Variants in RYR2 observed in about 807,000 individuals in gnomAD.
RYR2 encodes ryanodine receptor 2, also known as cardiac muscle ryanodine receptor-calcium release channel.
In RYR2, 227 loss-of-function variants were observed where a neutral mutation model predicts 601.1. The ratio of observed to expected loss-of-function variants is 0.38; its 90% CI spans 0.34 to 0.42. RYR2 has a LOEUF of 0.42. Ranked by LOEUF, RYR2 falls within the 10% of genes least tolerant of loss-of-function variation. The pLI is 1.00. For missense variants in RYR2, 4,646 were observed against 6,156.5 expected, an observed-to-expected ratio of 0.75 and a Z score of 8.21; for synonymous variants, 2,223 against 2,175.1, an observed-to-expected ratio of 1.02 and a Z score of -0.61.
chr1:237,343,332 G>C (rs1340577552), intron 3 of RYR2, among the ~76,000 whole-genome samples: 1 of 152,162 alleles, frequency 6.6e-6, no homozygotes, highest in African/African-American at 2.4e-5. Context: ...AGAAACAGCA[G>C]CTAAACCAGC....
intron 25 of RYR2, among the ~76,000 whole-genome samples, chr1:237,532,981 A>G (rs1482413132): frequency 6.6e-6 from 1 of 152,218 alleles, no homozygotes; most frequent in Non-Finnish European, 1.5e-5. Flanking sequence ...GGTAGATGAT[A>G]GATTGATAGC....
intron 1 of RYR2, among the ~76,000 whole-genome samples, chr1:237,105,825 ACT>A (rs1668600115): frequency 1.5e-5 from 2 of 131,024 alleles, no homozygotes; most frequent in South Asian, 5.1e-4. Context: ...ACAAAGCGAG[ACT>A]CTGTCTCAAA....
At chr1:237,464,912 T>C (rs769487247) in intron 16 of RYR2, among the ~76,000 whole-genome samples, 21 of 152,236 alleles carry the variant, frequency 1.4e-4, no homozygotes, top group Non-Finnish European at 2.6e-4. Flanking sequence ...AGTATTTTGC[T>C]GTTATAAAGA....
At chr1:237,518,912 C>T (rs151277144) in intron 24 of RYR2, among the ~76,000 whole-genome samples, 224 of 152,258 alleles carry the variant, frequency 1.5e-3, no homozygotes, top group African/African-American at 5.1e-3. Context: ...TCTGCATCCT[C>T]GCCAACATCT....
At chr1:237,388,037 C>T in intron 9 of RYR2, 50 bp from the exon 10 acceptor site, 1 of 1,499,148 alleles carries the variant, frequency 6.7e-7, no homozygotes, top group Non-Finnish European at 9.3e-7. Flanking sequence ...GTCTGGCTAT[C>T]AGCACCTGAC....
intron 2 of RYR2, among the ~76,000 whole-genome samples, chr1:237,330,420 C>T (rs145447338): frequency 0.049 from 7,463 of 152,318 alleles, 265 homozygotes; most frequent in Non-Finnish European, 0.078. Context: ...CGGAGTCTCG[C>T]TCTGTCGCCA....
Position 237,107,515 on chromosome 1 carries a change from A to G in RYR2, c.48+64946A>G, listed in dbSNP as rs572881866. ...AGCCTGGGAGACAGAGTGAGACTCC[A>G]TCTCAAAAAAAAAAAAAAAAAGGAA... On this transcript the variant is annotated intron_variant, in intron 1 of 104. Transcript: ENST00000366574. Among the ~76,000 whole-genome samples the G allele has an allele frequency of 5.1e-3, 743 of 146,880 alleles. 9 individuals are homozygous for G. Among genetic ancestry groups the G allele is most frequent in the African/African-American group, 0.011 (422 of 39,798 alleles).
chr1:237,627,472 G>A (rs1338250271), intron 40 of RYR2, among the ~76,000 whole-genome samples: 9 of 152,104 alleles, frequency 5.9e-5, no homozygotes, highest in Non-Finnish European at 1.3e-4. Context: ...ACAAATAAAA[G>A]TAGTAGGACA....
intron 1 of RYR2, among the ~76,000 whole-genome samples, chr1:237,120,510 A>G (rs993270980): frequency 1.3e-5 from 2 of 152,214 alleles, no homozygotes; most frequent in African/African-American, 4.8e-5. Flanking sequence ...ATAAATGGTG[A>G]CGATAAAATG....
intron 3 of RYR2, among the ~76,000 whole-genome samples, chr1:237,341,258 G>A (rs975711280): frequency 2.0e-5 from 3 of 152,050 alleles, no homozygotes; most frequent in African/African-American, 4.8e-5. Flanking sequence ...AAATGACATG[G>A]CATATTTCTG....
chr1:237,366,518 C>T (rs982949057), intron 5 of RYR2, among the ~76,000 whole-genome samples: 1 of 152,114 alleles, frequency 6.6e-6, no homozygotes, highest in Non-Finnish European at 1.5e-5. Flanking sequence ...CTTCTGGGCT[C>T]AGCCTCCTAG....
At chr1:237,585,240 C>G (rs535493041) in intron 29 of RYR2, among the ~76,000 whole-genome samples, 3 of 152,228 alleles carry the variant, frequency 2.0e-5, no homozygotes, top group African/African-American at 7.2e-5. Flanking sequence ...ATCCACCAGA[C>G]TTGGATTTAT....
intron 63 of RYR2, among the ~76,000 whole-genome samples, chr1:237,697,824 A>G (rs74149909): frequency 0.028 from 4,309 of 152,116 alleles, 209 homozygotes; most frequent in African/African-American, 0.098. Flanking sequence ...CATTCTGCTC[A>G]TTTTGTCTTC....
intron 24 of RYR2, 56 bp downstream of exon 24, chr1:237,511,847 A>G: frequency 9.9e-7 from 1 of 1,014,064 alleles, no homozygotes; most frequent in Non-Finnish European, 1.4e-6. Flanking sequence ...AAAAAAAAAA[A>G]AAAAAAAAAA....
chr1:237,248,971 G>A (rs1489450234), intron 1 of RYR2, among the ~76,000 whole-genome samples: 1 of 152,052 alleles, frequency 6.6e-6, no homozygotes, highest in Non-Finnish European at 1.5e-5. Flanking sequence ...CTCCATGTCA[G>A]TGAGGCTGGT....
At chr1:237,497,777 G>T (rs1572601186) in intron 20 of RYR2, among the ~76,000 whole-genome samples, 2 of 152,162 alleles carry the variant, frequency 1.3e-5, no homozygotes, top group Non-Finnish European at 2.9e-5. Flanking sequence ...ATCTAACAAT[G>T]ATACTTACTG....
At chr1:237,416,763 C>CAGAGAG (rs60010171) in intron 10 of RYR2, among the ~76,000 whole-genome samples, 4 of 147,398 alleles carry the variant, frequency 2.7e-5, no homozygotes, top group Non-Finnish European at 4.5e-5. Flanking sequence ...CACACACACA[C>CAGAGAG]AGAGAGAGAG....
intron 25 of RYR2, among the ~76,000 whole-genome samples, chr1:237,540,052 A>G (rs1411568304): frequency 1.1e-5 from 1 of 93,490 alleles, no homozygotes; most frequent in Admixed American, 1.4e-4. Context: ...TTCCTCTCAA[A>G]ACAAACAAGC....
chr1:237,718,231 T>G (rs1689421711), intron 72 of RYR2, among the ~76,000 whole-genome samples: 1 of 152,212 alleles, frequency 6.6e-6, no homozygotes, highest in Admixed American at 6.5e-5. Flanking sequence ...CTTGATTCCA[T>G]TGAATTTCAA....
Sources: gnomAD v4.1 joint callset for allele counts (sites outside exome capture counted in the v4.1 genomes callset) on GRCh38, gnomAD v4.1.1 for gene constraint, MANE v1.5 for transcripts, NCBI Gene and HGNC (gene_info 2026-07-23, HGNC 2026-07-21) for gene names.